LSM14A: variants seen among roughly 807,000 people sequenced by gnomAD.
LSM14A encodes protein LSM14 homolog A.
LSM14A carries 14 observed loss-of-function variants against 52.4 expected under a neutral mutation model. The ratio of observed to expected loss-of-function variants is 0.27; its 90% CI spans 0.18 to 0.42. LSM14A has a LOEUF of 0.42. Ranked by LOEUF, LSM14A falls within the 10% of genes least tolerant of loss-of-function variation. LSM14A has a pLI of 1.00. For missense variants in LSM14A, 417 were observed against 581.8 expected, an observed-to-expected ratio of 0.72 and a Z score of 2.91; for synonymous variants, 185 against 200.3, an observed-to-expected ratio of 0.92 and a Z score of 0.64.
At chr19:34,226,375 CTTT>C (rs528137318) in intron 9 of LSM14A, 59,350 of 1,135,470 alleles carry the variant, frequency 0.052, no homozygotes, top group East Asian at 0.082. Flanking sequence ...ATCTCTTTCT[CTTT>C]TTTTTTTTTT....
chr19:34,194,845 T>G (rs1788578796), intron 2 of LSM14A, among the ~76,000 whole-genome samples: 1 of 152,228 alleles, frequency 6.6e-6, no homozygotes, highest in African/African-American at 2.4e-5. Flanking sequence ...GAGGAATTTA[T>G]TATGAAATAT....
At chr19:34,181,580 T>G (rs952186360) in intron 1 of LSM14A, among the ~76,000 whole-genome samples, 8 of 152,318 alleles carry the variant, frequency 5.3e-5, no homozygotes, top group African/African-American at 1.9e-4. Context: ...CTTAACTTGA[T>G]CGTATGCCAT....
chr19:34,217,094 A>G (rs892131337), intron 6 of LSM14A, among the ~76,000 whole-genome samples: 1 of 151,840 alleles, frequency 6.6e-6, no homozygotes, highest in African/African-American at 2.4e-5. Flanking sequence ...CCCTGTCTCT[A>G]CTAAAAATAG....
intron 3 of LSM14A, among the ~76,000 whole-genome samples, chr19:34,204,100 A>G: frequency 6.6e-6 from 1 of 152,160 alleles, no homozygotes; most frequent in South Asian, 2.1e-4. Flanking sequence ...GTTCTTCGTA[A>G]AGATAAGGAT....
At chr19:34,189,445 G>C (rs1035867716) in intron 1 of LSM14A, among the ~76,000 whole-genome samples, 1 of 152,120 alleles carries the variant, frequency 6.6e-6, no homozygotes, top group Non-Finnish European at 1.5e-5. Context: ...GGGACAGGTG[G>C]TGCCCAGCAA....
rs568946713 is a variant in LSM14A, at chr19:34,188,481, T to G, written c.122-5997T>G. Reference sequence around the variant, plus strand: ...AGTTGAAAATTCACATTACATGCAATTAACCATTATATTGTGTACAATTCA... The same window carrying G: ...AGTTGAAAATTCACATTACATGCAAGTAACCATTATATTGTGTACAATTCA... On this transcript the variant is annotated intron_variant, in intron 1 of 9. Coordinates refer to ENST00000544216, the MANE Select transcript of LSM14A (RefSeq NM_015578.4). Among the ~76,000 whole-genome samples the G allele has an allele frequency of 2.0e-5, 3 of 152,278 alleles. No individual in the cohort carries two copies. The South Asian group carries it at 6.2e-4, about 32-fold the overall frequency.
Position 34,172,814 on chromosome 19 carries a change from G to A in LSM14A, c.121+51G>A, listed in dbSNP as rs577536214. 3 of 1,505,494 alleles carry A rather than the reference G, an allele frequency of 2.0e-6. No individual in the cohort carries two copies. In the African/African-American group the frequency reaches 4.4e-5, roughly 22 times the overall value. The allele number at this position is 1,505,494 out of a possible 1,614,324, so 93.3% of individuals were successfully genotyped here. A position where few individuals can be genotyped will look rare whatever the true frequency, so the allele number is the denominator to read the frequency against. On this transcript the variant is annotated intron_variant, in intron 1 of 9. Transcript: ENST00000544216. Reference sequence around the variant, plus strand: ...GGGGCCGAGCCGGGCGCCGCTCGGGGCTGCTCCCCGCTCCGGCCCGCGGCC... The same window carrying A: ...GGGGCCGAGCCGGGCGCCGCTCGGGACTGCTCCCCGCTCCGGCCCGCGGCC...
intron 1 of LSM14A, among the ~76,000 whole-genome samples, chr19:34,192,446 C>T (rs1481951385): frequency 6.7e-6 from 1 of 149,284 alleles, no homozygotes; most frequent in African/African-American, 2.5e-5. Context: ...CCGCCTCAGC[C>T]ACCTGAGCAG....
chr19:34,210,052 G>A (rs1163815814), intron 4 of LSM14A, among the ~76,000 whole-genome samples: 1 of 151,936 alleles, frequency 6.6e-6, no homozygotes, highest in Non-Finnish European at 1.5e-5. Context: ...TTAGAAATGG[G>A]TATTTTTGGC....
At chr19:34,205,604 C>T (rs2071638740) in intron 3 of LSM14A, among the ~76,000 whole-genome samples, 2 of 151,552 alleles carry the variant, frequency 1.3e-5, no homozygotes, top group Non-Finnish European at 2.9e-5. Flanking sequence ...ATTCCTTGAG[C>T]CCAGCAGTTC....
At position 34,194,564 on chromosome 19, in the gene LSM14A, A is replaced by G; in HGVS notation, c.208A>G (p.Ser70Gly). Reference protein sequence around the residue: ...EVFEYIIFRGSDIKDLTVCEP... With the variant: ...EVFEYIIFRGGDIKDLTVCEP... ...CTTTGAATACATTATATTCCGTGGG[A>G]GTGACATTAAAGACCTTACTGTTTG... The change falls in exon 2 of 10, where the codon AGT becomes GGT. Residue 70 changes from serine to glycine, a missense_variant. By Grantham distance (56) the Ser-to-Gly change is moderately conservative. Around this residue, in one of 2 missense-constraint regions of LSM14A, gnomAD observed 60 missense variants for 124.8 expected, o/e 0.48. Coordinates refer to ENST00000544216, the MANE Select transcript of LSM14A (RefSeq NM_015578.4). The G allele has an allele frequency of 6.2e-7, 1 of 1,614,060 alleles. No homozygotes were observed. Among genetic ancestry groups the G allele is most frequent in the South Asian group, 1.1e-5 (1 of 91,082 alleles).
chr19:34,210,759 A>G (rs2072078239), intron 4 of LSM14A, among the ~76,000 whole-genome samples: 1 of 150,658 alleles, frequency 6.6e-6, no homozygotes, highest in African/African-American at 2.4e-5. Context: ...TTTTGTAGGG[A>G]CGGGGTTTCG....
At chr19:34,217,582 TTA>T (rs139780850) in intron 6 of LSM14A, among the ~76,000 whole-genome samples, 2 of 140,648 alleles carry the variant, frequency 1.4e-5, no homozygotes, top group Non-Finnish European at 1.6e-5. Context: ...TTCTCTACAT[TTA>T]TATATATATA....
At chr19:34,210,358 C>T (rs891503053) in intron 4 of LSM14A, among the ~76,000 whole-genome samples, 2 of 152,038 alleles carry the variant, frequency 1.3e-5, no homozygotes, top group Admixed American at 6.5e-5. Context: ...CAACCTCCAC[C>T]TCCCAGGTTC....
intron 1 of LSM14A, among the ~76,000 whole-genome samples, chr19:34,188,327 C>T (rs2070082983): frequency 6.6e-6 from 1 of 152,082 alleles, no homozygotes; most frequent in African/African-American, 2.4e-5. Context: ...GGCAATGTAG[C>T]AGCATGATGA....
In LSM14A at chr19:34,219,423, C is replaced by T; in HGVS notation, c.814C>T (p.Arg272Cys). ...TGCTCCTTCAGCTCCAAGGAGAGGG[C>T]GTGGGGGTCATCGGGGTGGCAGGGG... ...PGAPSAPRRG[R>C]GGHRGGRGRF... Residue 272 changes from arginine to cysteine, a missense_variant, in exon 7 of 10, where the codon CGT becomes TGT. Arg to Cys is a radical substitution (Grantham distance 180, BLOSUM62 -3). Around this residue, in one of 2 missense-constraint regions of LSM14A, gnomAD observed 357 missense variants for 457.0 expected, o/e 0.78. Coordinates refer to ENST00000544216, the MANE Select transcript of LSM14A (RefSeq NM_015578.4). The T allele has an allele frequency of 1.2e-6, 2 of 1,613,204 alleles. No homozygotes were observed. Among genetic ancestry groups the T allele is most frequent in the Non-Finnish European group, 1.7e-6 (2 of 1,179,622 alleles).
intron 3 of LSM14A, among the ~76,000 whole-genome samples, chr19:34,204,993 G>A (rs150967106): frequency 8.5e-5 from 13 of 152,118 alleles, no homozygotes; most frequent in African/African-American, 1.7e-4. Flanking sequence ...TTACTCAGGC[G>A]TCTTGGCATG....
intron 6 of LSM14A, among the ~76,000 whole-genome samples, chr19:34,217,712 C>A (rs1441010199): frequency 1.4e-5 from 2 of 143,060 alleles, no homozygotes; most frequent in East Asian, 4.3e-4. Context: ...TCACTGCAAC[C>A]TCCACCGCCC....
rs570019828 is a variant in LSM14A at position 34,172,515 on chromosome 19, C to T, written c.-128C>T. 5.9e-5 allele frequency: 64 copies of T among 1,086,194 alleles called. No individual in the cohort carries two copies. In the South Asian group the frequency reaches 1.9e-3, roughly 33 times the overall value. 67.3% of individuals were successfully genotyped at this position (1,086,194 alleles called of 1,614,324 possible). ...GGCTGGGGGAGGGTAGCGGAGCCGGCGCCGCCGCCATGTTGGGTCTGAAGC... is the reference window on the plus strand; with the variant it reads ...GGCTGGGGGAGGGTAGCGGAGCCGGTGCCGCCGCCATGTTGGGTCTGAAGC... On this transcript the variant is annotated 5_prime_UTR_variant, in exon 1 of 10. Transcript: ENST00000544216.
Sources: allele counts gnomAD v4.1 joint callset (sites outside exome capture counted in the v4.1 genomes callset), GRCh38; gene constraint gnomAD v4.1.1; regional missense constraint gnomAD v4.1.1; transcripts MANE v1.5; gene names NCBI Gene and HGNC (gene_info 2026-07-23, HGNC 2026-07-21).